The following ATP13A2 variants were observed in gnomAD, a reference collection of about 807,000 sequenced individuals.
The protein encoded by ATP13A2 is ATPase cation transporting 13A2, also known as polyamine-transporting ATPase 13A2.
Under a neutral mutation model 138.3 loss-of-function variants are expected in ATP13A2, and 83 were observed. The ratio of observed to expected loss-of-function variants is 0.60; its 90% CI spans 0.50 to 0.72. ATP13A2 has a LOEUF of 0.72. ATP13A2 is among the 30% of genes least tolerant of loss of function. The probability of loss-of-function intolerance (pLI) is 0.00; values close to 1 mark genes in which losing one functional copy is unlikely to be tolerated. For synonymous variants in ATP13A2, 663 were observed against 699.0 expected (o/e 0.95, Z 0.81); for missense variants, 1,402 against 1,606.4 (o/e 0.87, Z 2.17).
At chr1:16,996,670 G>T in intron 12 of ATP13A2, 174 bp from the exon 13 acceptor site, 1 of 641,178 alleles carries the variant, frequency 1.6e-6, no homozygotes. Flanking sequence ...GGCTTTTTAA[G>T]GGCTTTAAAC....
intron 8 of ATP13A2, 31 bp downstream of exon 8, chr1:17,002,003 G>C: frequency 6.3e-7 from 1 of 1,596,528 alleles, no homozygotes. Flanking sequence ...ACGCCAGGCA[G>C]GGCTGGGGCA....
chr1:17,001,998 A>G, intron 8 of ATP13A2, 36 bp downstream of exon 8: 1 of 1,592,076 alleles, frequency 6.3e-7, no homozygotes, highest in Non-Finnish European at 8.6e-7. Flanking sequence ...ACAGCACGCC[A>G]GGCAGGGCTG....
At chr1:16,990,891 G>T (rs1201945422) in intron 20 of ATP13A2, among the ~76,000 whole-genome samples, 1 of 152,054 alleles carries the variant, frequency 6.6e-6, no homozygotes, top group African/African-American at 2.4e-5. Context: ...ATATGTGTGT[G>T]TGCAGGGGCG....
chr1:17,008,876 A>G (rs1487724050), intron 1 of ATP13A2, among the ~76,000 whole-genome samples: 1 of 150,484 alleles, frequency 6.6e-6, no homozygotes, highest in Non-Finnish European at 1.5e-5. Context: ...AGGCGGGAGA[A>G]TGGTGTGAAC....
rs759562611 is a variant in ATP13A2 at position 17,011,679 on chromosome 1, CG to C, written c.10+49del. The stretch of plus-strand genomic sequence containing the variant: ...CCCTCCAAGGGGTGACGACAACTGG[CG>C]GGCCGGGGACCGCGCCGGGCTCGGG... On this transcript the variant is annotated intron_variant, in intron 1 of 28. Coordinates refer to ENST00000326735, the MANE Select transcript of ATP13A2 (RefSeq NM_022089.4). The surrounding 1 kb of genome is among the most constrained non-coding windows in gnomAD (Gnocchi z 7.3). The C allele has an allele frequency of 6.8e-7, 1 of 1,477,884 alleles. No individual in the cohort carries two copies. 91.5% of individuals were successfully genotyped at this position (1,477,884 alleles called of 1,614,324 possible).
rs1476600418 is a variant in ATP13A2, at chr1:16,989,991, C to T, written c.2425G>A (p.Ala809Thr). The change falls in exon 22 of 29, where the codon GCT becomes ACT. Residue 809 changes from alanine (A) to threonine (T), a missense_variant. By Grantham distance (58) the Ala-to-Thr change is moderately conservative. Coordinates refer to ENST00000326735, the MANE Select transcript of ATP13A2 (RefSeq NM_022089.4). ...TCTGGCTCCACGGTGTAGCTTGCAG[C>T]CTGGTCAGGATCCTGGGGGCCCAGG... ...AVNGVKDPDQ[A>T]ASYTVEPDPR... is the part of the protein sequence containing the mutation. 2 of 1,611,652 alleles carry T rather than the reference C, an allele frequency of 1.2e-6. No homozygotes were observed. Among genetic ancestry groups the T allele is most frequent in the African/African-American group, 1.3e-5 (1 of 75,020 alleles).
rs202176903 is a variant in ATP13A2 at position 16,995,942 on chromosome 1, C to T, written c.1542+34G>A. ...CTCACTGGGGCGCCTGTGGCTGTCC[C>T]GCTCCCCTGCACCAACCCCACCTGC... On this transcript the variant is annotated intron_variant, in intron 15 of 28. Coordinates refer to ENST00000326735, the MANE Select transcript of ATP13A2 (RefSeq NM_022089.4). This position sits in a 1 kb window ranked among gnomAD's most constrained non-coding sequence, Gnocchi z 4.1. The T allele has an allele frequency of 1.9e-5, 31 of 1,612,676 alleles. No homozygotes were observed. The South Asian group carries it at 2.3e-4, about 12-fold the overall frequency.
intron 12 of ATP13A2, 129 bp downstream of exon 12, chr1:16,996,891 G>T: frequency 2.5e-6 from 3 of 1,224,338 alleles, no homozygotes; most frequent in Non-Finnish European, 2.3e-6. Flanking sequence ...CTGGCCCGAG[G>T]TCCCACAGCA....
intron 12 of ATP13A2, 86 bp downstream of exon 12, chr1:16,996,934 G>C (rs1367175516): frequency 6.6e-7 from 1 of 1,520,112 alleles, no homozygotes; most frequent in Non-Finnish European, 8.9e-7. Flanking sequence ...GGGGTCCAGG[G>C]TTCCAGGTCC....
chr1:16,999,953 G>A, intron 11 of ATP13A2, 58 bp downstream of exon 11: 5 of 1,527,490 alleles, frequency 3.3e-6, no homozygotes, highest in Non-Finnish European at 4.4e-6. Context: ...TTGCCGCAGG[G>A]CAAAGGGTTG....
intron 1 of ATP13A2, among the ~76,000 whole-genome samples, chr1:17,009,067 G>A (rs1223953967): frequency 1.3e-5 from 2 of 152,080 alleles, no homozygotes; most frequent in East Asian, 3.9e-4. Context: ...CAACCCACAA[G>A]GTGGGCTCTC....
chr1:17,008,336 T>C (rs1456093258), intron 1 of ATP13A2, among the ~76,000 whole-genome samples: 1 of 152,206 alleles, frequency 6.6e-6, no homozygotes, highest in Non-Finnish European at 1.5e-5. Flanking sequence ...GGGTTTTGTC[T>C]TTTTGCCCAT....
chr1:16,992,700 T>C, intron 16 of ATP13A2, 119 bp from the exon 17 acceptor site: 1 of 1,059,776 alleles, frequency 9.4e-7, no homozygotes, highest in Non-Finnish European at 1.4e-6. Flanking sequence ...AATGTGGGCT[T>C]TGGAGCCCGG....
rs777359131 is a variant in ATP13A2, at chr1:16,997,186, A to G, written c.1040-11T>C. On this transcript the variant is annotated splice_polypyrimidine_tract_variant and intron_variant, in intron 11 of 28. Coordinates refer to ENST00000326735, the MANE Select transcript of ATP13A2 (RefSeq NM_022089.4). ...CTGGAATGCTCTCTCCTGGTGGGGA[A>G]CGTGGTGTGAGGACCACTCCACACC... The G allele has an allele frequency of 6.2e-7, 1 of 1,613,122 alleles. No individual in the cohort carries two copies. The highest frequency in any genetic ancestry group is 1.7e-5 in the Admixed American group (1 of 60,012).
intron 12 of ATP13A2, chr1:16,996,735 A>G (rs950766317): frequency 1.0e-4 from 63 of 617,428 alleles, no homozygotes; most frequent in Non-Finnish European, 1.7e-4. Flanking sequence ...AAATCCAGAC[A>G]CAGGGAAGGC....
In ATP13A2 at chr1:16,986,321, C is replaced by T. The variant is rs533548757; in HGVS notation, c.3443G>A (p.Arg1148His). 3.3e-5 allele frequency: 52 copies of T among 1,587,680 alleles called. No homozygotes were observed. The African/African-American group carries it at 3.9e-4, about 12-fold the overall frequency. ...LDQCLPACLR[R>H]LRPKRASKKR... ...CTTGGAGGCCCGCTTGGGCCGGAGG[C>T]GGCGCAGGCAGGCGGGGAGGCACTG... is the stretch of plus-strand genomic sequence containing the variant. The change falls in exon 29 of 29, where the codon CGC (arginine) becomes CAC (histidine). Residue 1148 changes from arginine to histidine, a missense_variant. Arg to His is a conservative substitution (Grantham distance 29, BLOSUM62 0). Transcript: ENST00000326735. This position sits in a 1 kb window ranked among gnomAD's most constrained non-coding sequence, Gnocchi z 6.9.
In ATP13A2 at chr1:17,011,607, G is replaced by A; in HGVS notation, c.10+122C>T. The stretch of plus-strand genomic sequence containing the variant: ...GGGCCAGGATCCCCAACCAGGTCCC[G>A]CTTCCTGGGCTCGCGACCCCGCGGT... On this transcript the variant is annotated intron_variant, in intron 1 of 28. Transcript: ENST00000326735. The surrounding 1 kb of genome is among the most constrained non-coding windows in gnomAD (Gnocchi z 7.3). 2 of 1,283,826 alleles carry A rather than the reference G, an allele frequency of 1.6e-6. No individual in the cohort carries two copies. The highest frequency in any genetic ancestry group is 1.6e-5 in the African/African-American group (1 of 63,406). 79.5% of individuals were successfully genotyped at this position (1,283,826 alleles called of 1,614,324 possible).
rs1310454082 is a variant in ATP13A2 at position 17,004,364 on chromosome 1, C to T, written c.525G>A (p.Trp175Ter). The T allele has an allele frequency of 6.2e-7, 1 of 1,613,890 alleles. No individual in the cohort carries two copies. Among genetic ancestry groups the T allele is most frequent in the South Asian group, 1.1e-5 (1 of 91,054 alleles). ...GGTAGAAGGCTTGCTGGGTCTCGAT[C>T]CAGATATAGCGCTGGCCCTGGAAGA... ...YYLFQGQRYIWIETQQAFYQV... is the reference protein window; with the variant it reads ...YYLFQGQRYI The change falls in exon 6 of 29, where the codon TGG becomes TGA. Residue 175 changes from tryptophan (W) to a stop codon, truncating the protein, a stop_gained. Transcript: ENST00000326735. LOFTEE classifies it high-confidence loss of function. This position sits in a 1 kb window ranked among gnomAD's most constrained non-coding sequence, Gnocchi z 4.1.
Position 16,990,016 on chromosome 1 carries a change from G to GA in ATP13A2, c.2413-14dup. ...CCTGGTCAGGATCCTGGGGGCCCAG[G>GA]AAGCTCAGCTTAGCTCCCCCTGCCC... On this transcript the variant is annotated splice_polypyrimidine_tract_variant and intron_variant, in intron 21 of 28. Coordinates refer to ENST00000326735, the MANE Select transcript of ATP13A2 (RefSeq NM_022089.4). 6.2e-7 allele frequency: 1 copy of GA among 1,612,910 alleles called. No individual in the cohort carries two copies. The highest frequency in any genetic ancestry group is 8.5e-7 in the Non-Finnish European group (1 of 1,179,460).
Sources: allele counts gnomAD v4.1 joint callset (sites outside exome capture counted in the v4.1 genomes callset), GRCh38; gene constraint gnomAD v4.1.1; non-coding constraint Gnocchi (gnomAD v3.1); transcripts MANE v1.5; gene names NCBI Gene and HGNC (gene_info 2026-07-23, HGNC 2026-07-21).